Variants in LHFPL3 observed in about 807,000 individuals in gnomAD.
LHFPL3 encodes the protein LHFPL tetraspan subfamily member 3 protein.
A neutral mutation model predicts 19.3 loss-of-function variants in LHFPL3; 5 were observed. The ratio of observed to expected loss-of-function variants is 0.26; its 90% CI spans 0.14 to 0.54. The LOEUF is 0.54. Among genes scored for constraint, LHFPL3 ranks in the 20% least tolerant of loss-of-function variants. The pLI is 0.94. For missense variants in LHFPL3, 249 were observed against 307.4 expected (o/e 0.81, Z 1.42); for synonymous variants, 133 against 126.2 (o/e 1.05, Z -0.36).
At chr7:104,591,095 A>G (rs553810757) in intron 1 of LHFPL3, among the ~76,000 whole-genome samples, 112 of 152,218 alleles carry the variant, frequency 7.4e-4, no homozygotes, top group Non-Finnish European at 1.2e-3. Flanking sequence ...TTTTAATTGG[A>G]GTATTTAACC....
chr7:104,897,119 T>C (rs1792379399), intron 2 of LHFPL3, among the ~76,000 whole-genome samples: 1 of 151,742 alleles, frequency 6.6e-6, no homozygotes, highest in Admixed American at 6.6e-5. Flanking sequence ...TGAAGAACAA[T>C]CTATTTATTT....
At chr7:104,495,474 T>C (rs770335746) in intron 1 of LHFPL3, among the ~76,000 whole-genome samples, 7 of 152,126 alleles carry the variant, frequency 4.6e-5, no homozygotes, top group Admixed American at 6.5e-5. Context: ...AGCTCCACCT[T>C]CCGGGTTCAC....
chr7:104,534,639 T>C (rs1262298913), intron 1 of LHFPL3, among the ~76,000 whole-genome samples: 1 of 152,212 alleles, frequency 6.6e-6, no homozygotes, highest in Admixed American at 6.5e-5. Context: ...GTATTCCTTT[T>C]CTTAATTCCA....
At chr7:104,486,694 A>T (rs982511537) in intron 1 of LHFPL3, among the ~76,000 whole-genome samples, 3 of 152,202 alleles carry the variant, frequency 2.0e-5, no homozygotes, top group Non-Finnish European at 2.9e-5. Flanking sequence ...ATTATTTCTT[A>T]AAAAATGAAC....
At chr7:104,384,622 A>G (rs1790896953) in intron 1 of LHFPL3, among the ~76,000 whole-genome samples, 1 of 151,780 alleles carries the variant, frequency 6.6e-6, no homozygotes, top group Admixed American at 6.6e-5. Context: ...CCCCATCTCT[A>G]TTAAAAAAAA....
At chr7:104,905,488 G>A (rs183872610) in intron 2 of LHFPL3, among the ~76,000 whole-genome samples, 41 of 152,234 alleles carry the variant, frequency 2.7e-4, no homozygotes, top group Non-Finnish European at 2.1e-4. Context: ...CTGGGAGGCT[G>A]GGGAAGGTGG....
At chr7:104,564,873 A>G (rs1790089153) in intron 1 of LHFPL3, among the ~76,000 whole-genome samples, 1 of 152,172 alleles carries the variant, frequency 6.6e-6, no homozygotes, top group Non-Finnish European at 1.5e-5. Flanking sequence ...TAGGGAGGGG[A>G]ACACCATCTT....
At chr7:104,595,235 C>A (rs1040312242) in intron 1 of LHFPL3, among the ~76,000 whole-genome samples, 2 of 152,046 alleles carry the variant, frequency 1.3e-5, no homozygotes, top group Non-Finnish European at 2.9e-5. Flanking sequence ...GTGTAGATGA[C>A]CTTTTTGTTG....
intron 1 of LHFPL3, among the ~76,000 whole-genome samples, chr7:104,389,942 T>C (rs1041247174): frequency 6.6e-6 from 1 of 152,076 alleles, no homozygotes; most frequent in East Asian, 1.9e-4. Context: ...TAAATCTTCC[T>C]GATCTTGGGT....
At chr7:104,549,695 G>A (rs766870369) in intron 1 of LHFPL3, among the ~76,000 whole-genome samples, 9 of 152,090 alleles carry the variant, frequency 5.9e-5, no homozygotes, top group Admixed American at 2.6e-4. Flanking sequence ...GGTGAGGAAC[G>A]TTTTGCTTAA....
intron 1 of LHFPL3, among the ~76,000 whole-genome samples, chr7:104,492,148 C>A (rs1377586294): frequency 2.0e-5 from 3 of 152,124 alleles, no homozygotes; most frequent in Non-Finnish European, 4.4e-5. Flanking sequence ...AGCATAAATT[C>A]TCAAACTACA....
intron 1 of LHFPL3, among the ~76,000 whole-genome samples, chr7:104,420,870 G>T (rs182609307): frequency 4.5e-4 from 69 of 152,206 alleles, no homozygotes; most frequent in Non-Finnish European, 6.3e-4. Context: ...CCCCCCAAAG[G>T]GTGAATTCAG....
chr7:104,828,223 G>A lies in LHFPL3; in HGVS notation c.683-77964G>A, dbSNP rs554577929. On this transcript the variant is annotated intron_variant, in intron 2 of 2. Coordinates refer to ENST00000424859, the MANE Select transcript of LHFPL3 (RefSeq NM_199000.3). Reference sequence around the variant, plus strand: ...ACCCAGCCTCAGCCTCTATATGTGAGATGGTTTGAAAGACATAGTCAACTT... The same window carrying A: ...ACCCAGCCTCAGCCTCTATATGTGAAATGGTTTGAAAGACATAGTCAACTT... Among the ~76,000 whole-genome samples, 11 of 152,074 alleles carry A rather than the reference G, an allele frequency of 7.2e-5. No individual in the cohort carries two copies. The East Asian group carries it at 1.9e-3, about 27-fold the overall frequency.
chr7:104,691,590 G>A (rs574646874), intron 1 of LHFPL3, among the ~76,000 whole-genome samples: 4 of 152,364 alleles, frequency 2.6e-5, no homozygotes, highest in South Asian at 2.1e-4. Context: ...GTGTGATTAT[G>A]TACTGATTCA....
At chr7:104,769,980 A>G (rs1490506430) in intron 2 of LHFPL3, among the ~76,000 whole-genome samples, 4 of 152,188 alleles carry the variant, frequency 2.6e-5, no homozygotes, top group African/African-American at 9.7e-5. Context: ...ATTTTGCACC[A>G]AGACAATTGC....
At chr7:104,461,792 T>C (rs1792669400) in intron 1 of LHFPL3, among the ~76,000 whole-genome samples, 1 of 152,180 alleles carries the variant, frequency 6.6e-6, no homozygotes, top group Non-Finnish European at 1.5e-5. Flanking sequence ...GTGAAGAATG[T>C]CATTGGTAGT....
chr7:104,807,434 T>C (rs1188462325), intron 2 of LHFPL3, among the ~76,000 whole-genome samples: 1 of 152,182 alleles, frequency 6.6e-6, no homozygotes, highest in Admixed American at 6.5e-5. Context: ...TTTCAGTTGT[T>C]TAAGCCACAC....
intron 1 of LHFPL3, among the ~76,000 whole-genome samples, chr7:104,444,638 A>C (rs955816005): frequency 2.6e-5 from 4 of 152,192 alleles, no homozygotes; most frequent in Non-Finnish European, 5.9e-5. Context: ...GCAGAATCTA[A>C]CTATAAGACA....
intron 1 of LHFPL3, among the ~76,000 whole-genome samples, chr7:104,572,847 G>A (rs1790254008): frequency 6.6e-6 from 1 of 152,110 alleles, no homozygotes; most frequent in Non-Finnish European, 1.5e-5. Context: ...CCTGCTAAAA[G>A]AGAAAAAGAG....
Sources: allele counts gnomAD v4.1 joint callset (sites outside exome capture counted in the v4.1 genomes callset), GRCh38; gene constraint gnomAD v4.1.1; transcripts MANE v1.5; gene names NCBI Gene and HGNC (gene_info 2026-07-23, HGNC 2026-07-21).